The following PTGR1 variants were observed in gnomAD, a reference collection of about 807,000 sequenced individuals.
PTGR1 encodes prostaglandin reductase 1, also known as 15-oxoprostaglandin 13-reductase.
PTGR1 carries 23 observed loss-of-function variants against 37.7 expected under a neutral mutation model. The ratio of observed to expected loss-of-function variants is 0.61; its 90% CI spans 0.44 to 0.86. The LOEUF is 0.86. Among genes scored for constraint, PTGR1 ranks in the 40% least tolerant of loss-of-function variants. The pLI, the probability that PTGR1 is intolerant of heterozygous loss-of-function variation, is 0.00. For missense variants in PTGR1, 351 were observed against 394.3 expected (o/e 0.89, Z 0.93); for synonymous variants, 134 against 140.0 (o/e 0.96, Z 0.30).
At chr9:111,594,969 C>T (rs1222917947) in intron 2 of PTGR1, among the ~76,000 whole-genome samples, 1 of 151,032 alleles carries the variant, frequency 6.6e-6, no homozygotes, top group African/African-American at 2.4e-5. Context: ...ATTCTCATGC[C>T]TCAGCCTCCT....
downstream of PTGR1, among the ~76,000 whole-genome samples, chr9:111,560,114 G>A (rs936762616): frequency 2.0e-5 from 3 of 151,670 alleles, no homozygotes; most frequent in Admixed American, 1.3e-4. Flanking sequence ...GGGAGGCCTA[G>A]GTGGGTGGAT....
intron 9 of PTGR1, chr9:111,569,847 A>G (rs142006838): frequency 3.0e-4 from 161 of 538,112 alleles, no homozygotes; most frequent in Non-Finnish European, 4.7e-4. Flanking sequence ...GTATTTTGTT[A>G]TAAAAGGGAG....
intron 8 of PTGR1, among the ~76,000 whole-genome samples, chr9:111,571,115 C>T (rs1003451894): frequency 1.4e-5 from 2 of 139,908 alleles, no homozygotes; most frequent in African/African-American, 4.9e-5. Flanking sequence ...TCTAGACCTA[C>T]AAGAATAAGT....
At chr9:111,575,963 G>A (rs984767985) in intron 7 of PTGR1, among the ~76,000 whole-genome samples, 1 of 151,964 alleles carries the variant, frequency 6.6e-6, no homozygotes, top group African/African-American at 2.4e-5. Flanking sequence ...AAGCCAGCCT[G>A]GGCAACATAG....
chr9:111,560,473 C>CAAAA (rs752283590), downstream of PTGR1, among the ~76,000 whole-genome samples: 1 of 94,312 alleles, frequency 1.1e-5, no homozygotes, highest in Non-Finnish European at 2.1e-5. Flanking sequence ...GACTCCATCT[C>CAAAA]AAAAAAAAAA....
At chr9:111,596,926 C>CAAAAAAA (rs71494900) in intron 2 of PTGR1, among the ~76,000 whole-genome samples, 6 of 90,634 alleles carry the variant, frequency 6.6e-5, no homozygotes, top group East Asian at 3.2e-4. Context: ...GACTCTGTCT[C>CAAAAAAA]AAAAAAAAAA....
At chr9:111,589,694 A>G (rs1401758809) in intron 4 of PTGR1, among the ~76,000 whole-genome samples, 2 of 152,032 alleles carry the variant, frequency 1.3e-5, no homozygotes, top group Admixed American at 1.3e-4. Flanking sequence ...CTGGAGTGCA[A>G]TGGCGCGATC....
chr9:111,555,918 A>G (rs1463151410), intron 9 of PTGR1, among the ~76,000 whole-genome samples: 4 of 152,222 alleles, frequency 2.6e-5, no homozygotes. Context: ...ATGCCTTCCC[A>G]ACAGTCCCTT....
chr9:111,560,823 A>G (rs1351798172), downstream of PTGR1, among the ~76,000 whole-genome samples: 2 of 146,502 alleles, frequency 1.4e-5, no homozygotes, highest in Non-Finnish European at 3.0e-5. Context: ...CATGCCTGTA[A>G]TCCCAGCTAC....
At chr9:111,590,801 C>T (rs1829586983) in intron 4 of PTGR1, among the ~76,000 whole-genome samples, 1 of 152,050 alleles carries the variant, frequency 6.6e-6, no homozygotes, top group Non-Finnish European at 1.5e-5. Context: ...CAGATACACA[C>T]GTATACATAC....
chr9:111,561,144 A>G (rs1031306901), downstream of PTGR1, among the ~76,000 whole-genome samples: 1 of 51,448 alleles, frequency 1.9e-5, no homozygotes, highest in East Asian at 4.4e-4. Flanking sequence ...GAGAGGAGAG[A>G]GAGGGAGAGA....
intron 9 of PTGR1, among the ~76,000 whole-genome samples, chr9:111,551,400 G>GTTTTTTTTTTTTTTTTTTTTTTTTTTTTT (rs58638722): frequency 1.3e-5 from 1 of 74,430 alleles, no homozygotes; most frequent in South Asian, 6.0e-4. Context: ...TCCAGTTTTT[G>GTTTTTTTTTTTTTTTTTTTTTTTTTTTTT]TTTTTTTTTT....
chr9:111,576,032 T>C (rs924294541), intron 7 of PTGR1, among the ~76,000 whole-genome samples: 4 of 151,904 alleles, frequency 2.6e-5, no homozygotes, highest in African/African-American at 7.3e-5. Context: ...TGATGGTGCA[T>C]GTCTGTGGTC....
Position 111,563,140 on chromosome 9 carries a change from T to C in PTGR1, c.971A>G (p.Lys324Arg). The C allele has an allele frequency of 1.2e-6, 2 of 1,614,018 alleles. No individual in the cohort carries two copies. The highest frequency in any genetic ancestry group is 1.3e-5 in the African/African-American group (1 of 75,066). ...MGMLKGDNLG[K>R]TIVKA ...TCTTTTTCATGCTTTCACTATTGTC[T>C]TCCCCAAATTATCTCCTTTCAGCAT... Residue 324 changes from lysine to arginine, a missense_variant, in exon 10 of 10, where the codon AAG becomes AGG. Transcript: ENST00000407693.
intron 9 of PTGR1, among the ~76,000 whole-genome samples, chr9:111,556,134 C>G (rs1199246181): frequency 6.6e-6 from 1 of 152,238 alleles, no homozygotes; most frequent in African/African-American, 2.4e-5. Context: ...GGGCTACAGG[C>G]CCCATGCAAG....
At chr9:111,583,332 C>G in intron 6 of PTGR1, 140 bp downstream of exon 6, 1 of 697,160 alleles carries the variant, frequency 1.4e-6, no homozygotes, top group Non-Finnish European at 2.5e-6. Context: ...TTTCCCCATT[C>G]CTCCAATTTC....
chr9:111,591,911 C>T (rs1016726706), intron 4 of PTGR1, among the ~76,000 whole-genome samples: 1 of 152,206 alleles, frequency 6.6e-6, no homozygotes, highest in African/African-American at 2.4e-5. Flanking sequence ...AATGAGCCAA[C>T]AGCGTGTGAT....
intron 5 of PTGR1, among the ~76,000 whole-genome samples, chr9:111,585,381 G>A (rs1829399672): frequency 6.6e-6 from 1 of 152,204 alleles, no homozygotes; most frequent in South Asian, 2.1e-4. Flanking sequence ...GGAAGGATGA[G>A]CAGGATAACG....
At chr9:111,568,261 C>T (rs555738064) in intron 9 of PTGR1, among the ~76,000 whole-genome samples, 10 of 152,126 alleles carry the variant, frequency 6.6e-5, no homozygotes, top group Non-Finnish European at 1.2e-4. Context: ...TAATTAATAT[C>T]CTGGGGAAGG....
Sources: allele counts gnomAD v4.1 joint callset (sites outside exome capture counted in the v4.1 genomes callset), GRCh38; gene constraint gnomAD v4.1.1; transcripts MANE v1.5; gene names NCBI Gene and HGNC (gene_info 2026-07-23, HGNC 2026-07-21).